Variants in COL12A1 observed in about 807,000 individuals in gnomAD.
COL12A1 encodes collagen type XII alpha 1 chain.
A neutral mutation model predicts 349.7 loss-of-function variants in COL12A1; 114 were observed. That is an observed-to-expected ratio of 0.33 (90% CI 0.28 to 0.38). The LOEUF (loss-of-function observed/expected upper bound fraction) is 0.38, where lower values mean the gene tolerates loss of function less well. Ranked by LOEUF, COL12A1 falls within the 10% of genes least tolerant of loss-of-function variation. The pLI, the probability that COL12A1 is intolerant of heterozygous loss-of-function variation, is 1.00. For missense variants in COL12A1, 3,284 were observed against 3,756.9 expected (o/e 0.87, Z 3.29); for synonymous variants, 1,369 against 1,329.0 (o/e 1.03, Z -0.66).
Position 75,133,144 on chromosome 6 carries a change from G to C in COL12A1, c.5794+149C>G, listed in dbSNP as rs982508590. On this transcript the variant is annotated intron_variant, in intron 34 of 65. Coordinates refer to ENST00000322507, the MANE Select transcript of COL12A1 (RefSeq NM_004370.6). ...TATTTCACACAAAATGTTAACATTT[G>C]GTGTTAGGAAGGTAAACTATGGCTA... The C allele has an allele frequency of 1.6e-5, 9 of 545,646 alleles. No individual in the cohort carries two copies. In the Admixed American group the frequency reaches 2.3e-4, roughly 14 times the overall value. The allele number at this position is 545,646 out of a possible 1,614,324, so 33.8% of individuals were successfully genotyped here. A position where few individuals can be genotyped will look rare whatever the true frequency, so the allele number is the denominator to read the frequency against.
In COL12A1 at chr6:75,142,054, T is replaced by C. The variant is rs1447086849; in HGVS notation, c.4935A>G (p.Pro1645=). The change falls in exon 27 of 66, where the codon CCA becomes CCG. Residue 1645 remains proline, a synonymous_variant. Transcript: ENST00000322507. ...SAVHDEGESP[P]VTAQETTRPV... The stretch of plus-strand genomic sequence containing the variant: ...CACGGGTAGTTTCTTGAGCAGTCAC[T>C]GGAGGAGACTCCCCCTCGTCATGTA... 2 of 1,614,000 alleles carry C rather than the reference T, an allele frequency of 1.2e-6. No homozygotes were observed. The highest frequency in any genetic ancestry group is 1.7e-6 in the Non-Finnish European group (2 of 1,179,990).
chr6:75,098,727 T>C lies in COL12A1; in HGVS notation c.8524-1421A>G, dbSNP rs1768168631. On this transcript the variant is annotated intron_variant, in intron 58 of 65. Transcript: ENST00000322507. ...AAAGAGAGGAAATCCTCAATCCTGA[T>C]AATAAGCAGTTAATTTTTGTAGTGC... Among the ~76,000 whole-genome samples, 3 of 152,142 alleles carry C rather than the reference T, an allele frequency of 2.0e-5. No homozygotes were observed. The South Asian group carries it at 6.2e-4, about 32-fold the overall frequency.
chr6:75,196,883 T>A (rs975579972), intron 2 of COL12A1, among the ~76,000 whole-genome samples: 1 of 152,208 alleles, frequency 6.6e-6, no homozygotes, highest in Non-Finnish European at 1.5e-5. Context: ...CCCCCCTTGT[T>A]GATATCCAAA....
chr6:75,115,508 C>A (rs778155096), intron 49 of COL12A1, among the ~76,000 whole-genome samples: 1 of 152,124 alleles, frequency 6.6e-6, no homozygotes, highest in Non-Finnish European at 1.5e-5. Flanking sequence ...GTTTTAACAG[C>A]TTTTCTAGCC....
intron 53 of COL12A1, 72 bp from the exon 54 acceptor site, chr6:75,105,364 T>C (rs1768500471): frequency 1.0e-6 from 1 of 1,002,198 alleles, no homozygotes; most frequent in Non-Finnish European, 1.5e-6. Flanking sequence ...CACCCCCACT[T>C]ACATGCACAA....
At chr6:75,195,076 A>G (rs1582219886) in intron 2 of COL12A1, 129 bp from the exon 3 acceptor site, 2 of 551,574 alleles carry the variant, frequency 3.6e-6, no homozygotes, top group Admixed American at 3.4e-5. Context: ...CAACAAATAT[A>G]AAAGATATGT....
chr6:75,195,617 T>C (rs1770182244), intron 2 of COL12A1, among the ~76,000 whole-genome samples: 1 of 152,130 alleles, frequency 6.6e-6, no homozygotes, highest in Admixed American at 6.6e-5. Flanking sequence ...TATTCAAAAA[T>C]AAGTGATGTT....
intron 13 of COL12A1, among the ~76,000 whole-genome samples, chr6:75,174,056 T>C (rs1768781565): frequency 6.6e-6 from 1 of 152,198 alleles, no homozygotes; most frequent in Admixed American, 6.5e-5. Flanking sequence ...CCTTGCATTA[T>C]TCACTTAGTA....
intron 64 of COL12A1, 56 bp from the exon 65 acceptor site, chr6:75,087,803 G>GT: frequency 6.4e-7 from 1 of 1,562,134 alleles, no homozygotes; most frequent in Non-Finnish European, 8.7e-7. Flanking sequence ...AACTCCTGAG[G>GT]TAGCCACCAA....
Position 75,086,324 on chromosome 6 carries a change from G to A in COL12A1, c.*223C>T. ...AATAATGTTTTTCTACATTATTACT[G>A]AAATGCATCAGGATTATAAACTGAC... On this transcript the variant is annotated 3_prime_UTR_variant, in exon 66 of 66. Coordinates refer to ENST00000322507, the MANE Select transcript of COL12A1 (RefSeq NM_004370.6). 1 of 298,722 alleles carries A rather than the reference G, an allele frequency of 3.3e-6. No homozygotes were observed. The highest frequency in any genetic ancestry group is 6.6e-6 in the Non-Finnish European group (1 of 152,486). 18.5% of individuals were successfully genotyped at this position (298,722 alleles called of 1,614,324 possible). A position where few individuals can be genotyped will look rare whatever the true frequency, so the allele number is the denominator to read the frequency against.
chr6:75,194,761 G>A (rs1380366126), intron 3 of COL12A1, 70 bp downstream of exon 3: 3 of 933,534 alleles, frequency 3.2e-6, no homozygotes, highest in Non-Finnish European at 4.9e-6. Context: ...TGATGAAAGG[G>A]GAGAAGAGGT....
At chr6:75,164,871 AT>A (rs1768206741) in intron 14 of COL12A1, among the ~76,000 whole-genome samples, 1 of 152,174 alleles carries the variant, frequency 6.6e-6, no homozygotes, top group African/African-American at 2.4e-5. Flanking sequence ...AGTGAGGTAA[AT>A]CTGAGCCATC....
chr6:75,152,575 T>G (rs1767549487), intron 17 of COL12A1, 93 bp from the exon 18 acceptor site: 1 of 1,432,940 alleles, frequency 7.0e-7, no homozygotes, highest in African/African-American at 1.4e-5. Flanking sequence ...GGATCCTCAG[T>G]GTTGCCTGTC....
chr6:75,126,028 A>G (rs1223500717), intron 39 of COL12A1, among the ~76,000 whole-genome samples: 2 of 152,154 alleles, frequency 1.3e-5, no homozygotes, highest in Non-Finnish European at 2.9e-5. Flanking sequence ...AAAAATACAT[A>G]GGTATATTGA....
rs1204216222 is a variant in COL12A1, at chr6:75,183,520, G to T, written c.1421C>A (p.Pro474Gln). The T allele has an allele frequency of 6.2e-7, 1 of 1,613,990 alleles. No individual in the cohort carries two copies. Among genetic ancestry groups the T allele is most frequent in the South Asian group, 1.1e-5 (1 of 91,074 alleles). ...EVLVKSFEIS[P>Q]NRVQISLVQY... ...CACAAGACTAATCTGGACCCTATTT[G>T]GTGAAATTTCAAAACTTTTTACAAG... The change falls in exon 10 of 66, where the codon CCA (proline) becomes CAA (glutamine). Residue 474 changes from proline to glutamine, a missense_variant. Physicochemically the swap from Pro to Gln is moderately conservative, Grantham distance 76. Coordinates refer to ENST00000322507, the MANE Select transcript of COL12A1 (RefSeq NM_004370.6).
chr6:75,095,263 G>T, intron 59 of COL12A1, 84 bp from the exon 60 acceptor site: 1 of 996,424 alleles, frequency 1.0e-6, no homozygotes, highest in African/African-American at 1.6e-5. Context: ...TGTTTTAAAC[G>T]CGTTTAAATG....
intron 21 of COL12A1, among the ~76,000 whole-genome samples, chr6:75,148,835 C>A (rs1767335472): frequency 6.6e-6 from 1 of 152,164 alleles, no homozygotes; most frequent in Non-Finnish European, 1.5e-5. Context: ...ACCTGAATCT[C>A]ATCTTGAATT....
chr6:75,137,744 T>C (rs1033077441), intron 30 of COL12A1, among the ~76,000 whole-genome samples, 165 bp from the exon 31 acceptor site: 8 of 152,176 alleles, frequency 5.3e-5, no homozygotes, highest in Admixed American at 3.9e-4. Flanking sequence ...CTCCTTAGTA[T>C]GGACTTTCAT....
At position 75,103,757 on chromosome 6, in the gene COL12A1, A is replaced by C. The variant is rs1233367282; in HGVS notation, c.8319T>G (p.Ile2773Met). 6.2e-7 allele frequency: 1 copy of C among 1,612,752 alleles called. No individual in the cohort carries two copies. The highest frequency in any genetic ancestry group is 1.7e-5 in the Admixed American group (1 of 59,912). The change falls in exon 55 of 66, where the codon ATT (isoleucine) becomes ATG (methionine). Residue 2773 changes from isoleucine (I) to methionine (M), a missense_variant and splice_region_variant. Coordinates refer to ENST00000322507, the MANE Select transcript of COL12A1 (RefSeq NM_004370.6). ...PRGERGISGA[I>M]GPPGPRGDIG... ...TAAATGCACTCTAAAATATACTTAC[A>C]ATTGCCCCACTGATACCTCTTTCAC...
Sources: allele counts gnomAD v4.1 joint callset (sites outside exome capture counted in the v4.1 genomes callset), GRCh38; gene constraint gnomAD v4.1.1; transcripts MANE v1.5; gene names NCBI Gene and HGNC (gene_info 2026-07-23, HGNC 2026-07-21).